The following BIRC6 variants were observed in gnomAD, a reference collection of about 807,000 sequenced individuals.
BIRC6 encodes dual E2 ubiquitin-conjugating enzyme/E3 ubiquitin-protein ligase BIRC6.
BIRC6 carries 98 observed loss-of-function variants against 503.3 expected under a neutral mutation model. The ratio of observed to expected loss-of-function variants is 0.19; its 90% CI spans 0.17 to 0.23. The LOEUF (loss-of-function observed/expected upper bound fraction) is 0.23, where lower values mean the gene tolerates loss of function less well. BIRC6 is among the 10% of genes least tolerant of loss of function. BIRC6 has a pLI of 1.00. For synonymous variants in BIRC6, 2,240 were observed against 2,078.7 expected, an observed-to-expected ratio of 1.08 and a Z score of -2.11; for missense variants, 5,360 against 5,806.0, an observed-to-expected ratio of 0.92 and a Z score of 2.50.
At chr2:32,474,408 C>T (rs1026598475) in intron 33 of BIRC6, among the ~76,000 whole-genome samples, 11 of 152,008 alleles carry the variant, frequency 7.2e-5, no homozygotes, top group African/African-American at 2.7e-4. Context: ...AAAACAAAAC[C>T]TAGTGTGTCT....
chr2:32,596,399 G>T (rs928020738), intron 68 of BIRC6, among the ~76,000 whole-genome samples: 45 of 148,028 alleles, frequency 3.0e-4, no homozygotes, highest in African/African-American at 1.0e-3. Context: ...AGAATCATTT[G>T]AACCCGGGAG....
In BIRC6 at chr2:32,415,991, T is replaced by G; in HGVS notation, c.2700T>G (p.Leu900=). The G allele has an allele frequency of 4.3e-6, 7 of 1,613,922 alleles. No homozygotes were observed. The highest frequency in any genetic ancestry group is 5.9e-6 in the Non-Finnish European group (7 of 1,179,856). The change falls in exon 10 of 74, where the codon CTT becomes CTG. Residue 900 remains leucine (L), a synonymous_variant. Transcript: ENST00000421745. ...EREKTSDIST[L]GHLVITTQGG... is the part of the protein sequence containing the mutation. Reference sequence around the variant, plus strand: ...AAAAAACGTCTGACATTTCTACTCTTGGACACCTGGTAATAACCACTCAGG... The same window carrying G: ...AAAAAACGTCTGACATTTCTACTCTGGGACACCTGGTAATAACCACTCAGG...
At chr2:32,478,181 A>G (rs776679736) in intron 35 of BIRC6, among the ~76,000 whole-genome samples, 2 of 152,134 alleles carry the variant, frequency 1.3e-5, no homozygotes, top group Non-Finnish European at 1.5e-5. Context: ...TACTAAAAAT[A>G]CAAAAATTAG....
Position 32,503,201 on chromosome 2 carries a change from A to T in BIRC6, c.9464A>T (p.Asp3155Val). 6.2e-7 allele frequency: 1 copy of T among 1,612,416 alleles called. No homozygotes were observed. The part of the protein sequence containing the change: ...LKTRILASEP[D>V]NAEGIHNFAP... Reference sequence around the variant, plus strand: ...ACAAGAATACTAGCTTCTGAGCCTGACAATGCTGAAGGGATTCATAACTTT... The same window carrying T: ...ACAAGAATACTAGCTTCTGAGCCTGTCAATGCTGAAGGGATTCATAACTTT... The change falls in exon 49 of 74, where the codon GAC (aspartate) becomes GTC (valine). Residue 3155 changes from aspartate (D) to valine (V), a missense_variant. Physicochemically the swap from Asp to Val is radical, Grantham distance 152 (BLOSUM62 -3). Around this residue, in one of 16 missense-constraint regions of BIRC6, gnomAD observed 267 missense variants for 287.6 expected, o/e 0.93. Coordinates refer to ENST00000421745, the MANE Select transcript of BIRC6 (RefSeq NM_016252.4).
At position 32,482,530 on chromosome 2, in the gene BIRC6, A is replaced by T; in HGVS notation, c.7644A>T (p.Pro2548=). Reference sequence around the variant, plus strand: ...TGGGAATTCCTGTAGCAAAGCCACCAGCAAACACGGAGAAGAACGGATCAC... The same window carrying T: ...TGGGAATTCCTGTAGCAAAGCCACCTGCAAACACGGAGAAGAACGGATCAC... ...GGLGIPVAKP[P]ANTEKNGSQT... The change falls in exon 39 of 74, where the codon CCA becomes CCT. Residue 2548 remains proline, a synonymous_variant. Transcript: ENST00000421745. The T allele has an allele frequency of 6.2e-7, 1 of 1,613,996 alleles. No homozygotes were observed. The highest frequency in any genetic ancestry group is 8.5e-7 in the Non-Finnish European group (1 of 1,179,862).
rs139641393 is a variant in BIRC6 at position 32,501,623 on chromosome 2, G to A, written c.9032-90G>A. The A allele has an allele frequency of 3.6e-4, 394 of 1,085,036 alleles. 5 individuals are homozygous for A. In the East Asian group the frequency reaches 0.01, roughly 28 times the overall value. 67.2% of individuals were successfully genotyped at this position (1,085,036 alleles called of 1,614,324 possible). A position where few individuals can be genotyped will look rare whatever the true frequency, so the allele number is the denominator to read the frequency against. ...TGAAGTCAGGTGATCCACCTGCCTC[G>A]GCCTCCCAAAGTGTTGAGATTACAG... On this transcript the variant is annotated intron_variant, in intron 46 of 73. Coordinates refer to ENST00000421745, the MANE Select transcript of BIRC6 (RefSeq NM_016252.4).
intron 71 of BIRC6, among the ~76,000 whole-genome samples, chr2:32,606,425 TA>T (rs1241876536): frequency 6.6e-6 from 1 of 151,078 alleles, no homozygotes; most frequent in Non-Finnish European, 1.5e-5. Context: ...CCGTCTCTAC[TA>T]AAAATTAAAA....
At position 32,501,775 on chromosome 2, in the gene BIRC6, G is replaced by A; in HGVS notation, c.9094G>A (p.Val3032Ile). ...NFHGGLDAISVGDGLFTILTT... is the reference protein window; with the variant it reads ...NFHGGLDAISIGDGLFTILTT... Reference sequence around the variant, plus strand: ...TCATGGTGGGTTGGATGCCATATCAGTTGGGGATGGATTATTTACCATACT... The same window carrying A: ...TCATGGTGGGTTGGATGCCATATCAATTGGGGATGGATTATTTACCATACT... Residue 3032 changes from valine to isoleucine, a missense_variant, in exon 47 of 74, where the codon GTT (valine) becomes ATT (isoleucine). Around this residue, in one of 16 missense-constraint regions of BIRC6, gnomAD observed 267 missense variants for 287.6 expected, o/e 0.93. Coordinates refer to ENST00000421745, the MANE Select transcript of BIRC6 (RefSeq NM_016252.4). 6.2e-7 allele frequency: 1 copy of A among 1,613,840 alleles called. No individual in the cohort carries two copies. Among genetic ancestry groups the A allele is most frequent in the Non-Finnish European group, 8.5e-7 (1 of 1,179,830 alleles).
At chr2:32,405,223 C>T (rs1345967880) in intron 8 of BIRC6, among the ~76,000 whole-genome samples, 1 of 152,112 alleles carries the variant, frequency 6.6e-6, no homozygotes, top group Non-Finnish European at 1.5e-5. Context: ...AATATTTCTT[C>T]TTGGGATTCA....
At chr2:32,395,733 C>T in intron 6 of BIRC6, 140 bp downstream of exon 6, 2 of 650,948 alleles carry the variant, frequency 3.1e-6, no homozygotes, top group Non-Finnish European at 5.5e-6. Context: ...AATGAGCTAG[C>T]CCTGTCTATA....
chr2:32,443,317 C>T lies in BIRC6; in HGVS notation c.4239-174C>T, dbSNP rs1025866745. On this transcript the variant is annotated intron_variant, in intron 19 of 73. Transcript: ENST00000421745. Reference sequence around the variant, plus strand: ...GCATAAGAAAATATTTACAACCCTCCTTAGTATAATCAGTTCCCGCTATCT... The same window carrying T: ...GCATAAGAAAATATTTACAACCCTCTTTAGTATAATCAGTTCCCGCTATCT... 5.5e-6 allele frequency: 3 copies of T among 542,604 alleles called. No individual in the cohort carries two copies. The African/African-American group carries it at 5.8e-5, about 11-fold the overall frequency. The allele number at this position is 542,604 out of a possible 1,614,324, so 33.6% of individuals were successfully genotyped here.
chr2:32,420,596 C>G (rs964714662), intron 10 of BIRC6, among the ~76,000 whole-genome samples: 7 of 152,092 alleles, frequency 4.6e-5, no homozygotes, highest in African/African-American at 1.7e-4. Context: ...TCACTGCAAC[C>G]TCTGCCTCCT....
chr2:32,365,281 C>A (rs115949985), intron 1 of BIRC6, among the ~76,000 whole-genome samples: 2 of 151,870 alleles, frequency 1.3e-5, no homozygotes, highest in East Asian at 3.9e-4. Flanking sequence ...TAAACTGATA[C>A]ATACAGAATA....
chr2:32,515,793 AT>A, intron 55 of BIRC6, 23 bp downstream of exon 55: 1 of 1,565,032 alleles, frequency 6.4e-7, no homozygotes, highest in Non-Finnish European at 8.6e-7. Flanking sequence ...AATAACTTAC[AT>A]TTTAGTTGTT....
At chr2:32,456,151 C>A (rs953208298) in intron 23 of BIRC6, among the ~76,000 whole-genome samples, 4 of 152,190 alleles carry the variant, frequency 2.6e-5, no homozygotes, top group African/African-American at 9.7e-5. Context: ...TCTCCAGAAG[C>A]TAAACATCAT....
intron 32 of BIRC6, among the ~76,000 whole-genome samples, chr2:32,472,211 C>T (rs111898840): frequency 1.3e-5 from 2 of 152,038 alleles, no homozygotes; most frequent in Non-Finnish European, 2.9e-5. Context: ...GGATTATAGG[C>T]GTGTACCACC....
chr2:32,498,744 C>T (rs1434828756), intron 45 of BIRC6, among the ~76,000 whole-genome samples: 1 of 152,082 alleles, frequency 6.6e-6, no homozygotes, highest in Non-Finnish European at 1.5e-5. Context: ...CATCACCATG[C>T]CTGGCTAATT....
chr2:32,591,479 A>G (rs1186659171), intron 66 of BIRC6, among the ~76,000 whole-genome samples: 2 of 152,172 alleles, frequency 1.3e-5, no homozygotes, highest in Admixed American at 6.5e-5. Context: ...CTTGAGATTT[A>G]GAATCAGTAG....
chr2:32,462,846 C>T (rs559860303), intron 23 of BIRC6, among the ~76,000 whole-genome samples: 228 of 151,912 alleles, frequency 1.5e-3, no homozygotes, highest in Non-Finnish European at 2.8e-3. Context: ...ATCCCAGCTA[C>T]TCAGGAGGCT....
Sources: gnomAD v4.1 joint callset for allele counts (sites outside exome capture counted in the v4.1 genomes callset) on GRCh38, gnomAD v4.1.1 for gene constraint, gnomAD v4.1.1 regional missense constraint, MANE v1.5 for transcripts, NCBI Gene and HGNC (gene_info 2026-07-23, HGNC 2026-07-21) for gene names.